MRPS25: variants seen among roughly 807,000 people sequenced by gnomAD.
MRPS25 encodes the protein mitochondrial ribosomal protein S25.
Under a neutral mutation model 17.3 loss-of-function variants are expected in MRPS25, and 15 were observed. That is an observed-to-expected ratio of 0.87 (90% CI 0.58 to 1.34). The LOEUF is 1.34. MRPS25 is among the 40% of genes most tolerant of loss of function. The probability of loss-of-function intolerance (pLI) is 0.00; values close to 1 mark genes in which losing one functional copy is unlikely to be tolerated. For missense variants in MRPS25, 225 were observed against 218.6 expected, an observed-to-expected ratio of 1.03 and a Z score of -0.19; for synonymous variants, 94 against 83.3, an observed-to-expected ratio of 1.13 and a Z score of -0.70.
At chr3:15,059,796 A>G (rs1177153656) in intron 1 of MRPS25, among the ~76,000 whole-genome samples, 1 of 152,218 alleles carries the variant, frequency 6.6e-6, no homozygotes, top group Non-Finnish European at 1.5e-5. Flanking sequence ...AGGTGTAAAC[A>G]TGAGTGGCAG....
intron 2 of MRPS25, among the ~76,000 whole-genome samples, chr3:15,055,735 A>AT (rs140420739): frequency 0.052 from 7,860 of 152,218 alleles, 243 homozygotes; most frequent in East Asian, 0.13. Context: ...TTAAAAAAAA[A>AT]TTTTTTAAAT....
intron 3 of MRPS25, 76 bp from the exon 4 acceptor site, chr3:15,052,709 C>T (rs2042621257): frequency 1.4e-6 from 2 of 1,461,792 alleles, no homozygotes; most frequent in African/African-American, 1.4e-5. Flanking sequence ...TCAGCCGAGA[C>T]AACCCCACCA....
Position 15,049,601 on chromosome 3 carries a change from A to G in MRPS25, c.*2840T>C, listed in dbSNP as rs1471140618. On this transcript the variant is annotated 3_prime_UTR_variant, in exon 4 of 4. Transcript: ENST00000253686. ...CTGGAACATTCAGATGCCATTACAG[A>G]CAGGCCTTAAATTGGCAAGCTTATT... 2 of 462,184 alleles carry G rather than the reference A, an allele frequency of 4.3e-6. No individual in the cohort carries two copies. Among genetic ancestry groups the G allele is most frequent in the Non-Finnish European group, 3.8e-6 (1 of 264,678 alleles). The allele number at this position is 462,184 out of a possible 1,614,324, so 28.6% of individuals were successfully genotyped here.
intron 1 of MRPS25, among the ~76,000 whole-genome samples, chr3:15,063,890 G>C (rs1474344045): frequency 6.6e-6 from 1 of 151,984 alleles, no homozygotes; most frequent in African/African-American, 2.4e-5. Flanking sequence ...GTGCACAGTT[G>C]TGCAGTAGGT....
Position 15,050,120 on chromosome 3 carries a change from A to G in MRPS25, c.*2321T>C, listed in dbSNP as rs1279504933. On this transcript the variant is annotated 3_prime_UTR_variant, in exon 4 of 4. Coordinates refer to ENST00000253686, the MANE Select transcript of MRPS25 (RefSeq NM_022497.5). ...ACAAAATAGGGAAAGACAAAGGTTT[A>G]AAGAGAAACTATCCAGGATCAAGTA... 7.3e-7 allele frequency: 1 copy of G among 1,377,820 alleles called. No individual in the cohort carries two copies. The highest frequency in any genetic ancestry group is 1.5e-5 in the African/African-American group (1 of 65,646). 85.3% of individuals were successfully genotyped at this position (1,377,820 alleles called of 1,614,324 possible). A position where few individuals can be genotyped will look rare whatever the true frequency, so the allele number is the denominator to read the frequency against.
In MRPS25 at chr3:15,050,753, G is replaced by A. The variant is rs1461924198; in HGVS notation, c.*1688C>T. The A allele has an allele frequency of 7.1e-6, 7 of 985,260 alleles. No homozygotes were observed. In the Admixed American group the frequency reaches 4.3e-4, roughly 61 times the overall value. The allele number at this position is 985,260 out of a possible 1,614,324, so 61.0% of individuals were successfully genotyped here. On this transcript the variant is annotated 3_prime_UTR_variant, in exon 4 of 4. Coordinates refer to ENST00000253686, the MANE Select transcript of MRPS25 (RefSeq NM_022497.5). ...AGGAACACCTGTCCATTATACATCA[G>A]TCTCTGCCCACCTTCCCCTCCCACC...
rs191733187 is a variant in MRPS25 at position 15,057,248 on chromosome 3, A to G, written c.241+2121T>C. 3.7e-4 allele frequency among the ~76,000 whole-genome samples: 56 copies of G among 152,340 alleles called. 1 individual carries two copies. In the East Asian group the frequency reaches 5.6e-3, roughly 15 times the overall value. On this transcript the variant is annotated intron_variant, in intron 2 of 3. Transcript: ENST00000253686. ...CTAGAATGTCCCGCTGCGCTGGCCA[A>G]CGCTCCCAGAGCTGCGTCGTCCTCA...
At chr3:15,064,992 C>T in intron 1 of MRPS25, 69 bp downstream of exon 1, 1 of 1,539,008 alleles carries the variant, frequency 6.5e-7, no homozygotes, top group Non-Finnish European at 8.7e-7. Context: ...GACTCGGGAC[C>T]TCACGTTACC....
Position 15,050,274 on chromosome 3 carries a change from G to C in MRPS25, c.*2167C>G. ...GTCTCCACACGTCCTTTCAGGGTCT[G>C]GGCTGTCCACCTCACTGCCCATTGC... On this transcript the variant is annotated 3_prime_UTR_variant, in exon 4 of 4. Transcript: ENST00000253686. 2 of 1,117,400 alleles carry C rather than the reference G, an allele frequency of 1.8e-6. No homozygotes were observed. Among genetic ancestry groups the C allele is most frequent in the South Asian group, 4.2e-5 (2 of 47,222 alleles). The allele number at this position is 1,117,400 out of a possible 1,614,324, so 69.2% of individuals were successfully genotyped here. A position where few individuals can be genotyped will look rare whatever the true frequency, so the allele number is the denominator to read the frequency against.
intron 1 of MRPS25, among the ~76,000 whole-genome samples, chr3:15,061,426 C>T (rs908937254): frequency 1.3e-5 from 2 of 152,214 alleles, no homozygotes; most frequent in African/African-American, 4.8e-5. Context: ...CTGTGTTGGC[C>T]GGGCTGGTCT....
intron 1 of MRPS25, among the ~76,000 whole-genome samples, chr3:15,063,376 C>T (rs992582212): frequency 1.3e-5 from 2 of 152,160 alleles, no homozygotes; most frequent in Non-Finnish European, 2.9e-5. Context: ...CAGCAGGTAC[C>T]CAAAGACTGG....
chr3:15,052,656 A>C, intron 3 of MRPS25, 23 bp from the exon 4 acceptor site: 1 of 1,607,648 alleles, frequency 6.2e-7, no homozygotes, highest in East Asian at 2.2e-5. Context: ...ACAGACGGCA[A>C]CCAAGCATTG....
rs1024408308 is a variant in MRPS25 at position 15,049,127 on chromosome 3, C to T, written c.*3314G>A. On this transcript the variant is annotated 3_prime_UTR_variant, in exon 4 of 4. Coordinates refer to ENST00000253686, the MANE Select transcript of MRPS25 (RefSeq NM_022497.5). ...GTCTTCAGTCTTGAAGAAGAATTTG[C>T]ATTGTTGTGTTTGTATATAGAGTAT... The T allele has an allele frequency of 2.0e-5, 3 of 152,540 alleles. No individual in the cohort carries two copies. The highest frequency in any genetic ancestry group is 7.2e-5 in the African/African-American group (3 of 41,412). The allele number at this position is 152,540 out of a possible 1,614,324, so 9.4% of individuals were successfully genotyped here.
intron 1 of MRPS25, among the ~76,000 whole-genome samples, chr3:15,062,445 G>GC (rs2042786404): frequency 2.3e-5 from 3 of 130,952 alleles, no homozygotes; most frequent in Admixed American, 7.4e-5. Context: ...GAGGGAGGTG[G>GC]GGGGGGTCAG....
downstream of MRPS25, chr3:15,047,686 C>T (rs1414350941): frequency 6.6e-6 from 1 of 152,216 alleles, no homozygotes; most frequent in East Asian, 1.9e-4. Flanking sequence ...TAATTCCCAT[C>T]TTTCTATCGC....
chr3:15,045,073 A>AC (rs1175217773), downstream of MRPS25: 2 of 152,348 alleles, frequency 1.3e-5, no homozygotes, highest in African/African-American at 4.8e-5. Context: ...CAAAATTAAG[A>AC]CAAAAAACCA....
chr3:15,046,641 C>G (rs1005294542), downstream of MRPS25: 1 of 152,288 alleles, frequency 6.6e-6, no homozygotes, highest in Non-Finnish European at 1.5e-5. Context: ...AAGCTTGTTG[C>G]CCACTTTCCA....
At chr3:15,062,421 G>A (rs1196265571) in intron 1 of MRPS25, among the ~76,000 whole-genome samples, 1 of 54,146 alleles carries the variant, frequency 1.8e-5, no homozygotes, top group East Asian at 6.2e-4. Context: ...CGCCCGGCCA[G>A]CCGCCCCATC....
downstream of MRPS25, chr3:15,043,847 A>G (rs2042357161): frequency 6.6e-6 from 1 of 152,244 alleles, no homozygotes; most frequent in Non-Finnish European, 1.5e-5. Context: ...CTAGTCAGAC[A>G]TTAACTGCCA....
Sources: gnomAD v4.1 joint callset for allele counts (sites outside exome capture counted in the v4.1 genomes callset) on GRCh38, gnomAD v4.1.1 for gene constraint, MANE v1.5 for transcripts, NCBI Gene and HGNC (gene_info 2026-07-23, HGNC 2026-07-21) for gene names.